CDK11B: variants seen among roughly 807,000 people sequenced by gnomAD.
CDK11B encodes cyclin-dependent kinase 11B.
CDK11B carries 37 observed loss-of-function variants against 84.0 expected under a neutral mutation model. The ratio of observed to expected loss-of-function variants is 0.44; its 90% CI spans 0.34 to 0.58. The LOEUF (loss-of-function observed/expected upper bound fraction) is 0.58. Among genes scored for constraint, CDK11B ranks in the 20% least tolerant of loss-of-function variants. The probability of loss-of-function intolerance (pLI) is 0.02; values close to 1 mark genes in which losing one functional copy is unlikely to be tolerated. For synonymous variants in CDK11B, 269 were observed against 309.8 expected (o/e 0.87, Z 1.38); for missense variants, 427 against 834.0 (o/e 0.51, Z 6.01).
chr1:1,655,815 G>A lies in CDK11B; in HGVS notation c.112-331C>T, dbSNP rs553137220. Among the ~76,000 whole-genome samples the A allele has an allele frequency of 2.6e-4, 39 of 151,202 alleles. 1 individual carries two copies. Among genetic ancestry groups the A allele is most frequent in the Admixed American group, 1.1e-3 (17 of 15,166 alleles). On this transcript the variant is annotated intron_variant, in intron 2 of 19. Transcript: ENST00000341832. ...CCGGAACTGCTTGAACCCGGGAGGC[G>A]GACATTGCAGTGACCCGAGATCACA... is the stretch of plus-strand genomic sequence containing the variant.
intron 3 of CDK11B, among the ~76,000 whole-genome samples, chr1:1,653,640 A>G (rs576064335): frequency 1.3e-5 from 2 of 152,016 alleles, no homozygotes; most frequent in Non-Finnish European, 2.9e-5. Context: ...ATATTTAAAC[A>G]AGGGCAGCTC....
At chr1:1,652,296 G>C (rs1385633296) in intron 4 of CDK11B, 143 bp downstream of exon 4, 5 of 630,440 alleles carry the variant, frequency 7.9e-6, no homozygotes, top group African/African-American at 7.6e-5. Flanking sequence ...TAGCCATTCT[G>C]AACGGTCTGT....
intron 4 of CDK11B, 70 bp from the exon 5 acceptor site, chr1:1,649,707 G>A (rs1641635849): frequency 6.7e-7 from 1 of 1,490,022 alleles, no homozygotes; most frequent in African/African-American, 1.4e-5. Context: ...GGGCACGGAG[G>A]CTTATGCCTG....
intron 1 of CDK11B, among the ~76,000 whole-genome samples, chr1:1,657,902 T>TA (rs768223103): frequency 0.041 from 3,515 of 86,556 alleles, 50 homozygotes; most frequent in Non-Finnish European, 0.055. Context: ...AAGACTTGGT[T>TA]AAAAAAAAAA....
chr1:1,654,144 T>C, intron 3 of CDK11B: 1 of 465,482 alleles, frequency 2.1e-6, no homozygotes, highest in Non-Finnish European at 4.3e-6. Flanking sequence ...CATTATACCG[T>C]AATTTCTGGC....
At chr1:1,648,938 A>G (rs1244431990) in intron 5 of CDK11B, among the ~76,000 whole-genome samples, 5 of 151,684 alleles carry the variant, frequency 3.3e-5, no homozygotes, top group East Asian at 3.9e-4. Context: ...CCGGCCGGAC[A>G]TGCAGATTTC....
chr1:1,638,825 G>T (rs185272303), intron 11 of CDK11B, among the ~76,000 whole-genome samples: 1 of 152,024 alleles, frequency 6.6e-6, no homozygotes, highest in Non-Finnish European at 1.5e-5. Context: ...TCCCAGCCAG[G>T]TGCAAGGGCT....
rs987809567 is a variant in CDK11B, at chr1:1,637,587, G to A, written c.1465-74C>T. The A allele has an allele frequency of 1.5e-4, 239 of 1,609,288 alleles. 1 individual carries two copies. The highest frequency in any genetic ancestry group is 6.6e-4 in the Middle Eastern group (4 of 6,072). On this transcript the variant is annotated intron_variant, in intron 13 of 19. Coordinates refer to ENST00000341832, the MANE Select transcript of CDK11B (RefSeq NM_033486.3). The stretch of plus-strand genomic sequence containing the variant: ...ACCCCTGCACCCGGGTGCAGCTGCT[G>A]AGGGACAGTAAGGACCTCCGGTGCC...
chr1:1,657,448 A>C lies in CDK11B; in HGVS notation c.38T>G (p.Leu13Ter). 6.4e-7 allele frequency: 1 copy of C among 1,552,778 alleles called. No individual in the cohort carries two copies. Among genetic ancestry groups the C allele is most frequent in the Non-Finnish European group, 8.7e-7 (1 of 1,149,174 alleles). ...DEKDSWKVKT[L>*]DEILQEKKRR... ...TTTCTTTTCCTGAAGAATTTCATCT[A>C]AAGTTTTCACTTTCCAAGAGTCCTT... is the stretch of plus-strand genomic sequence containing the variant. The change falls in exon 2 of 20, where the codon TTA (leucine) becomes TGA (stop). Residue 13 changes from leucine (L) to a stop codon, truncating the protein, a stop_gained. Transcript: ENST00000341832. LOFTEE classifies it high-confidence loss of function.
intron 5 of CDK11B, chr1:1,646,226 A>G (rs1450338122): frequency 1.4e-5 from 5 of 368,520 alleles, no homozygotes; most frequent in Admixed American, 1.1e-4. Flanking sequence ...GACCTTTCAC[A>G]TGTCATATAA....
Position 1,640,318 on chromosome 1 carries a change from C to T in CDK11B, c.1210G>A (p.Glu404Lys), listed in dbSNP as rs766202713. The change falls in exon 11 of 20, where the codon GAG (glutamate) becomes AAG (lysine). Residue 404 changes from glutamate to lysine, a missense_variant. Physicochemically the swap from Glu to Lys is moderately conservative, Grantham distance 56. Around this residue, in one of 12 missense-constraint regions of CDK11B, gnomAD observed 43 missense variants for 61.8 expected, o/e 0.70. Coordinates refer to ENST00000341832, the MANE Select transcript of CDK11B (RefSeq NM_033486.3). ...TACTTGGGCAGCTCCTGCTTGAGCT[C>T]GATGGGCGACAGGGCAGGGGAGTCG... ...VPDSPALSPI[E>K]LKQELPKYLP... 8.7e-6 allele frequency: 14 copies of T among 1,613,648 alleles called. No homozygotes were observed. In the East Asian group the frequency reaches 1.3e-4, roughly 15 times the overall value.
chr1:1,652,709 T>C, intron 3 of CDK11B, 143 bp from the exon 4 acceptor site: 1 of 629,996 alleles, frequency 1.6e-6, no homozygotes, highest in Non-Finnish European at 2.5e-6. Context: ...TTACATTAAT[T>C]CTCCAACTTT....
chr1:1,655,640 T>C (rs1319914132), intron 2 of CDK11B, among the ~76,000 whole-genome samples, 156 bp from the exon 3 acceptor site: 4 of 152,080 alleles, frequency 2.6e-5, no homozygotes, highest in African/African-American at 7.2e-5. Context: ...TAAAGAACTT[T>C]TGGCCGGGTG....
At chr1:1,641,444 G>A (rs554327922) in intron 9 of CDK11B, among the ~76,000 whole-genome samples, 2 of 147,184 alleles carry the variant, frequency 1.4e-5, no homozygotes, top group African/African-American at 2.4e-5. Context: ...GGGAGGCAGA[G>A]GTTGCAGTGA....
chr1:1,656,450 C>T (rs1234304705), intron 2 of CDK11B, among the ~76,000 whole-genome samples: 1 of 152,030 alleles, frequency 6.6e-6, no homozygotes, highest in African/African-American at 2.4e-5. Flanking sequence ...GAGATCATGC[C>T]ACTGCACTCC....
intron 5 of CDK11B, chr1:1,647,005 A>G (rs1195093648): frequency 2.0e-6 from 1 of 510,768 alleles, no homozygotes; most frequent in Non-Finnish European, 3.9e-6. Context: ...TGTGCTCTTG[A>G]ATGTGCATAT....
rs373574621 is a variant in CDK11B, at chr1:1,655,156, G to A, written c.227+213C>T. ...ATGGCAAAGTTCTTTACAGAAAGAA[G>A]GGGCAAGGGTCTGGAGGGCCACAGA... On this transcript the variant is annotated intron_variant, in intron 3 of 19. Coordinates refer to ENST00000341832, the MANE Select transcript of CDK11B (RefSeq NM_033486.3). Among the ~76,000 whole-genome samples the A allele has an allele frequency of 1.4e-4, 21 of 152,192 alleles. No individual in the cohort carries two copies. In the East Asian group the frequency reaches 2.5e-3, roughly 18 times the overall value.
At chr1:1,650,517 C>T (rs1218922665) in intron 4 of CDK11B, among the ~76,000 whole-genome samples, 2 of 150,990 alleles carry the variant, frequency 1.3e-5, no homozygotes, top group South Asian at 2.1e-4. Flanking sequence ...AGGCGCCTGC[C>T]ACCACGCCCG....
intron 3 of CDK11B, among the ~76,000 whole-genome samples, chr1:1,653,608 A>G (rs1289345492): frequency 6.6e-6 from 1 of 151,956 alleles, no homozygotes; most frequent in Non-Finnish European, 1.5e-5. Flanking sequence ...GGCGCGAGCT[A>G]CTGCACCCAG....
Sources: gnomAD v4.1 joint callset for allele counts (sites outside exome capture counted in the v4.1 genomes callset) on GRCh38, gnomAD v4.1.1 for gene constraint, gnomAD v4.1.1 regional missense constraint, MANE v1.5 for transcripts, NCBI Gene and HGNC (gene_info 2026-07-23, HGNC 2026-07-21) for gene names.